Variants in INO80C observed in about 807,000 individuals in gnomAD.
The protein encoded by INO80C is INO80 complex subunit C.
Under a neutral mutation model 17.7 loss-of-function variants are expected in INO80C, and 17 were observed. The ratio of observed to expected loss-of-function variants is 0.96; its 90% CI spans 0.66 to 1.44. INO80C has a LOEUF of 1.44. INO80C is among the 40% of genes most tolerant of loss of function. The pLI is 0.00. For missense variants in INO80C, 244 were observed against 245.0 expected (o/e 1.00, Z 0.03); for synonymous variants, 96 against 95.8 (o/e 1.00, Z -0.01).
chr18:35,491,131 G>A (rs1226817194), intron 1 of INO80C, among the ~76,000 whole-genome samples: 5 of 152,142 alleles, frequency 3.3e-5, no homozygotes, highest in Non-Finnish European at 5.9e-5. Flanking sequence ...AAGGTGCTGT[G>A]TGCCCAATGA....
intron 4 of INO80C, 123 bp from the exon 5 acceptor site, chr18:35,468,865 T>C: frequency 1.2e-6 from 1 of 850,022 alleles, no homozygotes; most frequent in Non-Finnish European, 1.8e-6. Context: ...TGTCTTACTC[T>C]GCCACCAAGA....
chr18:35,497,931 C>G lies in INO80C; in HGVS notation c.-57G>C, dbSNP rs371262206. ...CTTTTTCCCAGCGCGGGCCTTGGAA[C>G]TTCCTTTCCGCTGTTACTTCCGTCT... On this transcript the variant is annotated 5_prime_UTR_variant, in exon 1 of 5. Coordinates refer to ENST00000334598, the MANE Select transcript of INO80C (RefSeq NM_194281.4). 6.8e-7 allele frequency: 1 copy of G among 1,466,428 alleles called. No homozygotes were observed. 90.8% of individuals were successfully genotyped at this position (1,466,428 alleles called of 1,614,324 possible).
chr18:35,480,411 T>C (rs1484293799), intron 2 of INO80C, 42 bp downstream of exon 2: 1 of 1,317,912 alleles, frequency 7.6e-7, no homozygotes, highest in African/African-American at 1.4e-5. Context: ...GGCTGAGGTG[T>C]GGCATTTGGA....
intron 1 of INO80C, among the ~76,000 whole-genome samples, chr18:35,485,026 G>T (rs983805362): frequency 6.6e-6 from 1 of 152,118 alleles, no homozygotes; most frequent in Non-Finnish European, 1.5e-5. Context: ...TTTCTCCTGA[G>T]GCTGTGTGCA....
At position 35,479,346 on chromosome 18, in the gene INO80C, G is replaced by C. The variant is rs749087817; in HGVS notation, c.333C>G (p.Ile111Met). 6.2e-7 allele frequency: 1 copy of C among 1,614,096 alleles called. No homozygotes were observed. Among genetic ancestry groups the C allele is most frequent in the Non-Finnish European group, 8.5e-7 (1 of 1,179,980 alleles). The stretch of plus-strand genomic sequence containing the variant: ...ACGGCAATGCCCTTTCAGAAGCGAG[G>C]ATTTGTTTCAGGTTCTTCCAGGTTC... ...KNRTWKNLKQ[I>M]LASERALPWQ... The change falls in exon 3 of 5, where the codon ATC becomes ATG. Residue 111 changes from isoleucine (I) to methionine (M), a missense_variant. Physicochemically the swap from Ile to Met is conservative, Grantham distance 10. Transcript: ENST00000334598.
intron 4 of INO80C, among the ~76,000 whole-genome samples, chr18:35,471,752 C>A (rs2045672433): frequency 6.7e-6 from 1 of 148,466 alleles, no homozygotes; most frequent in Non-Finnish European, 1.5e-5. Context: ...TATCCCTCCC[C>A]CCTCCCTGCA....
At chr18:35,478,621 C>A (rs1178711602) in intron 3 of INO80C, among the ~76,000 whole-genome samples, 3 of 152,112 alleles carry the variant, frequency 2.0e-5, no homozygotes, top group Non-Finnish European at 4.4e-5. Context: ...AGCTCATCTG[C>A]CCACCAGCTA....
chr18:35,468,626 C>A lies in INO80C; in HGVS notation c.564G>T (p.Thr188=). Residue 188 remains threonine, a synonymous_variant, in exon 5 of 5, where the codon ACG becomes ACT. Transcript: ENST00000334598. ...VTGYLALRKA[T]SIVP is the part of the protein sequence containing the mutation. ...TTTCTGGGGCTCAGGGAACGATGCT[C>A]GTGGCCTTCCTCAGGGCCAGGTAGC... The A allele has an allele frequency of 3.7e-6, 6 of 1,614,032 alleles. No homozygotes were observed. The highest frequency in any genetic ancestry group is 5.1e-6 in the Non-Finnish European group (6 of 1,179,998).
At chr18:35,488,427 C>T (rs534989884) in intron 1 of INO80C, among the ~76,000 whole-genome samples, 9 of 152,376 alleles carry the variant, frequency 5.9e-5, no homozygotes, top group African/African-American at 2.2e-4. Context: ...AGGCTCAACA[C>T]TATGTGGAAA....
intron 1 of INO80C, among the ~76,000 whole-genome samples, chr18:35,487,214 A>G (rs1239168994): frequency 6.6e-6 from 1 of 152,192 alleles, no homozygotes; most frequent in Non-Finnish European, 1.5e-5. Flanking sequence ...TATAACTCAA[A>G]TCTAACCATG....
Position 35,497,648 on chromosome 18 carries a change from C to G in INO80C, c.156+71G>C, listed in dbSNP as rs973949161. 14 of 1,540,858 alleles carry G rather than the reference C, an allele frequency of 9.1e-6. No individual in the cohort carries two copies. The African/African-American group carries it at 9.8e-5, about 11-fold the overall frequency. ...CAGCGCCCCACATTACGCACGCGCC[C>G]TGGCTCGGCTCCGCCCCGCCAAGTC... On this transcript the variant is annotated intron_variant, in intron 1 of 4. Transcript: ENST00000334598.
In INO80C at chr18:35,477,054, G is replaced by C. The variant is rs1421322381; in HGVS notation, c.447+1228C>G. 2.0e-5 allele frequency among the ~76,000 whole-genome samples: 3 copies of C among 152,166 alleles called. No homozygotes were observed. In the East Asian group the frequency reaches 5.8e-4, roughly 29 times the overall value. ...AGGTCAGGAGTTCAAGACCAGCCTGGCCAACATGGCAAAACCTCATCTCTA... is the reference window on the plus strand; with the variant it reads ...AGGTCAGGAGTTCAAGACCAGCCTGCCCAACATGGCAAAACCTCATCTCTA... On this transcript the variant is annotated intron_variant, in intron 4 of 4. Coordinates refer to ENST00000334598, the MANE Select transcript of INO80C (RefSeq NM_194281.4).
At chr18:35,493,059 G>A (rs1031517952) in intron 1 of INO80C, among the ~76,000 whole-genome samples, 2 of 152,108 alleles carry the variant, frequency 1.3e-5, no homozygotes, top group African/African-American at 4.8e-5. Flanking sequence ...GGCATGCCTG[G>A]GTTCGAATCC....
At position 35,468,503 on chromosome 18, in the gene INO80C, C is replaced by T; in HGVS notation, c.*108G>A. On this transcript the variant is annotated 3_prime_UTR_variant, in exon 5 of 5. Transcript: ENST00000334598. ...CAAACATTCTTTCCAAGGCACAGCACTGGCATTTTCAGATTGACAGCAGAA... is the reference window on the plus strand; with the variant it reads ...CAAACATTCTTTCCAAGGCACAGCATTGGCATTTTCAGATTGACAGCAGAA... 1.3e-6 allele frequency: 2 copies of T among 1,566,790 alleles called. No individual in the cohort carries two copies. Among genetic ancestry groups the T allele is most frequent in the Non-Finnish European group, 1.7e-6 (2 of 1,156,196 alleles).
intron 1 of INO80C, among the ~76,000 whole-genome samples, chr18:35,494,875 G>C (rs371405423): frequency 6.6e-6 from 1 of 152,220 alleles, no homozygotes; most frequent in Non-Finnish European, 1.5e-5. Context: ...ATTCTCTCCT[G>C]GGATGTTTTT....
At chr18:35,477,870 G>A (rs2045755812) in intron 4 of INO80C, among the ~76,000 whole-genome samples, 1 of 152,156 alleles carries the variant, frequency 6.6e-6, no homozygotes, top group African/African-American at 2.4e-5. Flanking sequence ...TTGGAAAAGG[G>A]GTTCTGATGC....
intron 1 of INO80C, among the ~76,000 whole-genome samples, chr18:35,488,505 T>C (rs1450225524): frequency 6.6e-6 from 1 of 151,942 alleles, no homozygotes; most frequent in Non-Finnish European, 1.5e-5. Flanking sequence ...CCTTTTACCA[T>C]GGCTGGAGTG....
At chr18:35,487,981 C>T (rs2045894088) in intron 1 of INO80C, among the ~76,000 whole-genome samples, 1 of 152,238 alleles carries the variant, frequency 6.6e-6, no homozygotes, top group South Asian at 2.1e-4. Context: ...AATCCTAAAG[C>T]TCCAAAATGA....
intron 4 of INO80C, among the ~76,000 whole-genome samples, chr18:35,476,381 T>C (rs913375014): frequency 6.6e-6 from 1 of 152,218 alleles, no homozygotes; most frequent in Non-Finnish European, 1.5e-5. Flanking sequence ...AATTATAGAC[T>C]TTAGTTAATA....
Sources: gnomAD v4.1 joint callset for allele counts (sites outside exome capture counted in the v4.1 genomes callset) on GRCh38, gnomAD v4.1.1 for gene constraint, MANE v1.5 for transcripts, NCBI Gene and HGNC (gene_info 2026-07-23, HGNC 2026-07-21) for gene names.